Variants in AFF3 observed in about 807,000 individuals in gnomAD.
AFF3 encodes the protein ALF transcription elongation factor 3, also known as AF4/FMR2 family member 3.
In AFF3, 32 loss-of-function variants were observed where a neutral mutation model predicts 129.7. The ratio of observed to expected loss-of-function variants is 0.25; its 90% confidence interval spans 0.19 to 0.33. The LOEUF (loss-of-function observed/expected upper bound fraction) is 0.33. AFF3 is among the 10% of genes least tolerant of loss of function. The probability of loss-of-function intolerance (pLI) is 1.00; values close to 1 mark genes in which losing one functional copy is unlikely to be tolerated. For missense variants in AFF3, 1,373 were observed against 1,592.0 expected (o/e 0.86, Z 2.34); for synonymous variants, 644 against 635.4 (o/e 1.01, Z -0.20).
chr2:99,595,688 C>G (rs908372649), intron 14 of AFF3, among the ~76,000 whole-genome samples: 1 of 152,202 alleles, frequency 6.6e-6, no homozygotes, highest in Non-Finnish European at 1.5e-5. Flanking sequence ...CTCTTGGCCT[C>G]ACCCCAGGCA....
At chr2:100,009,102 A>C (rs1682264795) in intron 4 of AFF3, among the ~76,000 whole-genome samples, 170 bp from the exon 5 acceptor site, 2 of 152,216 alleles carry the variant, frequency 1.3e-5, no homozygotes, top group Non-Finnish European at 2.9e-5. Context: ...GGGGTGTCTA[A>C]CAATTACATT....
rs181328009 is a variant in AFF3, at chr2:99,551,144, T to C, written c.*330A>G. On this transcript the variant is annotated 3_prime_UTR_variant, in exon 25 of 25. Coordinates refer to ENST00000672756, the MANE Select transcript of AFF3 (RefSeq NM_001386135.1). ...GAAAGTGTGTGTCTGTGATTGTGTGTGAGTGTACGGTGTGTGTGTGTGTGT... is the reference window on the plus strand; with the variant it reads ...GAAAGTGTGTGTCTGTGATTGTGTGCGAGTGTACGGTGTGTGTGTGTGTGT... The C allele has an allele frequency of 6.0e-4, 264 of 439,040 alleles. 1 individual carries two copies. The highest frequency in any genetic ancestry group is 4.9e-3 in the African/African-American group (246 of 49,890). The allele number at this position is 439,040 out of a possible 1,614,324, so 27.2% of individuals were successfully genotyped here.
intron 4 of AFF3, among the ~76,000 whole-genome samples, chr2:100,025,959 T>C (rs972053715): frequency 6.6e-6 from 1 of 152,120 alleles, no homozygotes; most frequent in African/African-American, 2.4e-5. Flanking sequence ...GAAGACAACA[T>C]TGGAAAAACC....
intron 4 of AFF3, among the ~76,000 whole-genome samples, chr2:100,029,436 G>C (rs896662503): frequency 6.6e-6 from 1 of 152,170 alleles, no homozygotes; most frequent in African/African-American, 2.4e-5. Flanking sequence ...AGAATGGTGA[G>C]AAGATAAGTT....
chr2:99,582,875 T>G lies in AFF3; in HGVS notation c.2716A>C (p.Ser906Arg). The G allele has an allele frequency of 6.2e-7, 1 of 1,614,206 alleles. No homozygotes were observed. Among genetic ancestry groups the G allele is most frequent in the Non-Finnish European group, 8.5e-7 (1 of 1,180,040 alleles). The change falls in exon 17 of 25, where the codon AGT becomes CGT. Residue 906 changes from serine (S) to arginine (R), a missense_variant. Physicochemically the swap from Ser to Arg is moderately radical, Grantham distance 110 (BLOSUM62 -1). This residue lies in a region of AFF3 where 466 missense variants were observed against 505.0 expected (regional missense o/e 0.92). Transcript: ENST00000672756. ...LTSSSRPNGNSLFTSASSSKK... is the reference protein window; with the variant it reads ...LTSSSRPNGNRLFTSASSSKK... ...CTGGAAGAGGCTGAAGTAAACAAAC[T>G]GTTGCCATTAGGTCGGCTGGAAGAA...
At chr2:100,001,617 C>T (rs371375247) in intron 7 of AFF3, among the ~76,000 whole-genome samples, 2 of 152,258 alleles carry the variant, frequency 1.3e-5, no homozygotes, top group Admixed American at 6.5e-5. Context: ...TTAGTAGACA[C>T]GAGGTTTACC....
intron 8 of AFF3, among the ~76,000 whole-genome samples, chr2:99,777,746 T>C (rs1309005407): frequency 6.6e-6 from 1 of 151,862 alleles, no homozygotes; most frequent in Non-Finnish European, 1.5e-5. Flanking sequence ...TGCTCTGAAG[T>C]GCTGGTCTTG....
chr2:99,698,661 C>G (rs1471424138), intron 11 of AFF3, among the ~76,000 whole-genome samples: 2 of 152,214 alleles, frequency 1.3e-5, no homozygotes, highest in African/African-American at 4.8e-5. Context: ...AGTTAGCACT[C>G]TTCTGCAAGG....
intron 12 of AFF3, among the ~76,000 whole-genome samples, chr2:99,661,152 A>T (rs1686195985): frequency 6.6e-6 from 1 of 152,170 alleles, no homozygotes; most frequent in East Asian, 1.9e-4. Flanking sequence ...TGAAGAAAAA[A>T]ACCATTGAAG....
At chr2:99,892,102 A>T (rs112164468) in intron 7 of AFF3, among the ~76,000 whole-genome samples, 9,119 of 152,118 alleles carry the variant, frequency 0.06, 935 homozygotes, top group African/African-American at 0.21. Context: ...GATTACAGGC[A>T]TGAGCCACCA....
At chr2:99,902,261 C>A (rs1457595513) in intron 7 of AFF3, among the ~76,000 whole-genome samples, 1 of 151,918 alleles carries the variant, frequency 6.6e-6, no homozygotes, top group African/African-American at 2.4e-5. Flanking sequence ...TCACATGCTA[C>A]AATTAGTATT....
intron 13 of AFF3, among the ~76,000 whole-genome samples, chr2:99,619,454 T>G (rs1019845086): frequency 6.6e-6 from 1 of 152,186 alleles, no homozygotes; most frequent in South Asian, 2.1e-4. Flanking sequence ...GTGTAAAATA[T>G]TACTCAGGTG....
At chr2:99,800,160 G>A (rs1220987220) in intron 8 of AFF3, among the ~76,000 whole-genome samples, 1 of 152,154 alleles carries the variant, frequency 6.6e-6, no homozygotes, top group Non-Finnish European at 1.5e-5. Context: ...ACTTAGAGAA[G>A]ATATTTGCAA....
intron 11 of AFF3, among the ~76,000 whole-genome samples, chr2:99,711,029 C>T (rs1428574550): frequency 1.3e-5 from 2 of 152,118 alleles, no homozygotes; most frequent in African/African-American, 4.8e-5. Context: ...GCTCACTCAG[C>T]GACAGGAGCC....
chr2:100,114,754 G>A (rs1254507088), intron 2 of AFF3, among the ~76,000 whole-genome samples: 1 of 152,166 alleles, frequency 6.6e-6, no homozygotes, highest in Non-Finnish European at 1.5e-5. Context: ...CTGGAGCCTG[G>A]AGTCACAAGG....
rs535055357 is a variant in AFF3 at position 99,601,462 on chromosome 2, G to T, written c.1344C>A (p.Ser448Arg). ...CGGGGCTGGAGAAGTGGGGGGGCTTGCTGCCCTCACTCTCGCTGGAGCTGC... is the reference window on the plus strand; with the variant it reads ...CGGGGCTGGAGAAGTGGGGGGGCTTTCTGCCCTCACTCTCGCTGGAGCTGC... Reference protein sequence around the residue: ...TESSSSESEGSKPPHFSSPEA... With the variant: ...TESSSSESEGRKPPHFSSPEA... Residue 448 changes from serine to arginine, a missense_variant, in exon 14 of 25, where the codon AGC becomes AGA. Physicochemically the swap from Ser to Arg is moderately radical, Grantham distance 110. Around this residue, in one of 9 missense-constraint regions of AFF3, gnomAD observed 413 missense variants for 424.4 expected, o/e 0.97. Coordinates refer to ENST00000672756, the MANE Select transcript of AFF3 (RefSeq NM_001386135.1). The T allele has an allele frequency of 6.2e-7, 1 of 1,608,788 alleles. No homozygotes were observed. Among genetic ancestry groups the T allele is most frequent in the African/African-American group, 1.3e-5 (1 of 74,892 alleles).
chr2:100,137,811 A>G (rs1193682500), intron 1 of AFF3, among the ~76,000 whole-genome samples: 1 of 152,212 alleles, frequency 6.6e-6, no homozygotes, highest in African/African-American at 2.4e-5. Context: ...GAAGATGTCC[A>G]TAACATCTAT....
At chr2:99,553,785 A>T (rs1378389864) in intron 24 of AFF3, among the ~76,000 whole-genome samples, 1 of 151,944 alleles carries the variant, frequency 6.6e-6, no homozygotes, top group African/African-American at 2.4e-5. Flanking sequence ...GCGGTGGCAC[A>T]TGCCTGTAGT....
intron 11 of AFF3, among the ~76,000 whole-genome samples, chr2:99,720,028 C>T (rs920239322): frequency 6.6e-6 from 1 of 152,202 alleles, no homozygotes; most frequent in Non-Finnish European, 1.5e-5. Context: ...CAGAGCGAGA[C>T]TCCGTATCAA....
Sources: gnomAD v4.1 joint callset for allele counts (sites outside exome capture counted in the v4.1 genomes callset) on GRCh38, gnomAD v4.1.1 for gene constraint, gnomAD v4.1.1 regional missense constraint, MANE v1.5 for transcripts, NCBI Gene and HGNC (gene_info 2026-07-23, HGNC 2026-07-21) for gene names.